The following BMPER variants were observed in gnomAD, a reference collection of about 807,000 sequenced individuals.
The protein encoded by BMPER is BMP-binding endothelial regulator protein.
In BMPER, 45 loss-of-function variants were observed where a neutral mutation model predicts 87.3. The ratio of observed to expected loss-of-function variants is 0.52; its 90% CI spans 0.41 to 0.66. The LOEUF is 0.66. BMPER is among the 30% of genes least tolerant of loss of function. The probability of loss-of-function intolerance (pLI) is 0.00; values close to 1 mark genes in which losing one functional copy is unlikely to be tolerated. For missense variants in BMPER, 784 were observed against 867.5 expected (o/e 0.90, Z 1.21); for synonymous variants, 326 against 316.2 (o/e 1.03, Z -0.33).
chr7:34,091,090 G>A (rs975556657), intron 13 of BMPER, among the ~76,000 whole-genome samples: 8 of 152,126 alleles, frequency 5.3e-5, no homozygotes, highest in Non-Finnish European at 1.2e-4. Context: ...CAGGACCTTC[G>A]TGTTGGATAT....
Position 34,055,157 on chromosome 7 carries a change from C to A in BMPER, c.787-6C>A. The A allele has an allele frequency of 6.2e-7, 1 of 1,614,058 alleles. No individual in the cohort carries two copies. The highest frequency in any genetic ancestry group is 1.7e-5 in the Admixed American group (1 of 60,008). ...TTTAATTTCTATTTTGCCTTTGGGC[C>A]CCCAGGACTCTACTGTGGTTTGCAA... On this transcript the variant is annotated splice_region_variant and splice_polypyrimidine_tract_variant and intron_variant, in intron 8 of 14. Transcript: ENST00000649409.
intron 3 of BMPER, among the ~76,000 whole-genome samples, chr7:33,952,887 T>C (rs1785061056): frequency 1.3e-5 from 2 of 152,254 alleles, no homozygotes; most frequent in South Asian, 2.1e-4. Flanking sequence ...ACAAGACTAA[T>C]ATGATAATGA....
At chr7:33,993,589 T>C (rs1215462951) in intron 6 of BMPER, among the ~76,000 whole-genome samples, 2 of 151,986 alleles carry the variant, frequency 1.3e-5, no homozygotes, top group East Asian at 1.9e-4. Context: ...TCAGAGTAAT[T>C]TGATCGTCTG....
intron 13 of BMPER, among the ~76,000 whole-genome samples, chr7:34,119,142 A>G (rs1468537564): frequency 6.6e-6 from 1 of 152,162 alleles, no homozygotes; most frequent in Non-Finnish European, 1.5e-5. Flanking sequence ...AACTTTCTGG[A>G]TGAATATATC....
At chr7:34,095,567 G>C (rs1213269239) in intron 13 of BMPER, among the ~76,000 whole-genome samples, 1 of 152,116 alleles carries the variant, frequency 6.6e-6, no homozygotes, top group Non-Finnish European at 1.5e-5. Context: ...AGTTCATTTT[G>C]TATGCAAATG....
chr7:34,048,601 C>G (rs180924232), intron 7 of BMPER, among the ~76,000 whole-genome samples: 2 of 152,252 alleles, frequency 1.3e-5, no homozygotes, highest in African/African-American at 4.8e-5. Context: ...TTGGGTCTGG[C>G]TCCAAAGATA....
At chr7:33,956,817 CTA>C (rs1272962930) in intron 3 of BMPER, among the ~76,000 whole-genome samples, 2 of 152,112 alleles carry the variant, frequency 1.3e-5, no homozygotes, top group African/African-American at 4.8e-5. Context: ...TGTTAATCAA[CTA>C]TGTTATTGGT....
Position 33,964,543 on chromosome 7 carries a change from T to G in BMPER, c.320-1936T>G, listed in dbSNP as rs138883825. On this transcript the variant is annotated intron_variant, in intron 3 of 14. Transcript: ENST00000649409. Reference sequence around the variant, plus strand: ...ATGGTGGAGGAACAAGGCTTCCCACTGACAGTTATTTGAAGCAGAAAACAC... The same window carrying G: ...ATGGTGGAGGAACAAGGCTTCCCACGGACAGTTATTTGAAGCAGAAAACAC... Among the ~76,000 whole-genome samples, 10 of 152,348 alleles carry G rather than the reference T, an allele frequency of 6.6e-5. No individual in the cohort carries two copies. The East Asian group carries it at 1.3e-3, about 21-fold the overall frequency.
chr7:34,048,175 G>T (rs375246805), intron 7 of BMPER, among the ~76,000 whole-genome samples: 1 of 151,678 alleles, frequency 6.6e-6, no homozygotes, highest in African/African-American at 2.4e-5. Context: ...TATTTTTCTC[G>T]TTCCCAAATT....
At position 34,153,238 on chromosome 7, in the gene BMPER, A is replaced by G; in HGVS notation, c.2023A>G (p.Arg675Gly). The change falls in exon 15 of 15, where the codon AGG becomes GGG. Residue 675 changes from arginine (R) to glycine (G), a missense_variant. By Grantham distance (125) the Arg-to-Gly change is moderately radical. Coordinates refer to ENST00000649409, the MANE Select transcript of BMPER (RefSeq NM_001365308.1). ...CPANLVLHKG[R>G]CIKPVLCPQR ...AGCAAACTTGGTCCTTCACAAGGGA[A>G]GGTGCATCAAGCCAGTCCTTTGTCC... The G allele has an allele frequency of 6.2e-7, 1 of 1,614,076 alleles. No homozygotes were observed. The highest frequency in any genetic ancestry group is 1.3e-5 in the African/African-American group (1 of 75,022).
At chr7:34,049,947 G>A (rs374402843) in intron 7 of BMPER, among the ~76,000 whole-genome samples, 1 of 152,032 alleles carries the variant, frequency 6.6e-6, no homozygotes, top group East Asian at 1.9e-4. Context: ...TAAAACTAAG[G>A]TGCAATTAGA....
At chr7:34,030,215 T>A (rs1462242657) in intron 6 of BMPER, among the ~76,000 whole-genome samples, 2 of 152,180 alleles carry the variant, frequency 1.3e-5, no homozygotes, top group South Asian at 2.1e-4. Context: ...TAGACTTGTT[T>A]AACTAATAAT....
chr7:34,148,530 CA>C (rs5883453), intron 14 of BMPER, among the ~76,000 whole-genome samples: 83,563 of 151,892 alleles, frequency 0.55, 23,784 homozygotes, highest in East Asian at 0.8. Flanking sequence ...AGATACTCAG[CA>C]GATGTTTATT....
At chr7:33,905,767 GACCGGCCCTCCGGGACGCCGGTT>G in intron 1 of BMPER, 21 bp downstream of exon 1, 1 of 914,082 alleles carries the variant, frequency 1.1e-6, no homozygotes, top group Non-Finnish European at 1.7e-6. Flanking sequence ...GGGCGGGAGG[GACCGGCCCTCCGGGACGCCGGTT>G]TGGTACCTGG....
intron 11 of BMPER, among the ~76,000 whole-genome samples, chr7:34,062,515 G>T (rs1416783770): frequency 1.3e-5 from 2 of 148,344 alleles, no homozygotes; most frequent in African/African-American, 5.0e-5. Flanking sequence ...CAGTCTTGCT[G>T]TTGGCAAAGA....
intron 6 of BMPER, among the ~76,000 whole-genome samples, chr7:34,029,170 G>T (rs1431888612): frequency 6.6e-6 from 1 of 152,006 alleles, no homozygotes; most frequent in African/African-American, 2.4e-5. Context: ...GGGATATGGT[G>T]GTGAGCAATT....
chr7:34,074,974 G>T lies in BMPER; in HGVS notation c.1079-3883G>T, dbSNP rs569385919. Among the ~76,000 whole-genome samples the T allele has an allele frequency of 1.6e-4, 24 of 151,974 alleles. 1 individual carries two copies. In the East Asian group the frequency reaches 4.3e-3, roughly 27 times the overall value. On this transcript the variant is annotated intron_variant, in intron 11 of 14. Coordinates refer to ENST00000649409, the MANE Select transcript of BMPER (RefSeq NM_001365308.1). ...TTTATGTTTTTGTTTTGTTGTGTTTGGGGGGAGTAGGATTAGAGTTTACTC... is the reference window on the plus strand; with the variant it reads ...TTTATGTTTTTGTTTTGTTGTGTTTTGGGGGAGTAGGATTAGAGTTTACTC...
intron 13 of BMPER, among the ~76,000 whole-genome samples, chr7:34,113,015 CTA>C (rs1182671551): frequency 6.6e-6 from 1 of 151,114 alleles, no homozygotes; most frequent in Admixed American, 6.6e-5. Flanking sequence ...TTTTAAGAGA[CTA>C]TATATATAAA....
In BMPER at chr7:33,905,720, T is replaced by G. The variant is rs921065737; in HGVS notation, c.107T>G (p.Met36Arg). 6.3e-7 allele frequency: 1 copy of G among 1,597,682 alleles called. No homozygotes were observed. Among genetic ancestry groups the G allele is most frequent in the Non-Finnish European group, 8.5e-7 (1 of 1,170,980 alleles). The stretch of plus-strand genomic sequence containing the variant: ...CTACTCAATTGCTCGGGGGTCCCCA[T>G]GTCTCTGGCTTCCTCCTTCTTGACA... ...LLLLNCSGVPMSLASSFLTGS... is the reference protein window; with the variant it reads ...LLLLNCSGVPRSLASSFLTGS... Residue 36 changes from methionine to arginine, a missense_variant, in exon 1 of 15, where the codon ATG becomes AGG. Transcript: ENST00000649409.
Sources: allele counts gnomAD v4.1 joint callset (sites outside exome capture counted in the v4.1 genomes callset), GRCh38; gene constraint gnomAD v4.1.1; transcripts MANE v1.5; gene names NCBI Gene and HGNC (gene_info 2026-07-23, HGNC 2026-07-21).